The following RASSF8 variants were observed in gnomAD, a reference collection of about 807,000 sequenced individuals.
RASSF8 encodes Ras association domain family member 8.
RASSF8 carries 22 observed loss-of-function variants against 48.5 expected under a neutral mutation model. The ratio of observed to expected loss-of-function variants is 0.45; its 90% CI spans 0.32 to 0.65. RASSF8 has a LOEUF of 0.65. Ranked by LOEUF, RASSF8 falls within the 30% of genes least tolerant of loss-of-function variation. RASSF8 has a pLI of 0.03. For missense variants in RASSF8, 418 were observed against 489.2 expected (o/e 0.85, Z 1.37); for synonymous variants, 127 against 171.5 (o/e 0.74, Z 2.03).
At chr12:26,076,078 A>G (rs1382895798), downstream of RASSF8, among the ~76,000 whole-genome samples, 1 of 152,088 alleles carries the variant, frequency 6.6e-6, no homozygotes, top group Non-Finnish European at 1.5e-5. Context: ...TAGAAGAAAC[A>G]ATTTCCCATC....
chr12:26,032,947 TAATC>T (rs1943059559), intron 2 of RASSF8, among the ~76,000 whole-genome samples: 2 of 152,314 alleles, frequency 1.3e-5, no homozygotes, highest in South Asian at 4.1e-4. Context: ...AAATATTACA[TAATC>T]AGTTAAAAGA....
At chr12:26,046,037 G>A (rs1278297101) in intron 2 of RASSF8, among the ~76,000 whole-genome samples, 1 of 152,182 alleles carries the variant, frequency 6.6e-6, no homozygotes, top group African/African-American at 2.4e-5. Flanking sequence ...GATAACATCT[G>A]GATTCAGACT....
rs1221324138 is a variant in RASSF8 at position 26,069,123 on chromosome 12, G to A, written c.*305G>A. On this transcript the variant is annotated 3_prime_UTR_variant, in exon 6 of 6. Transcript: ENST00000689635. ...TTATATAGTGTGTATACATAAATAA[G>A]CCGTGACTTAAGTAAGAGTGAAGAG... 1.0e-6 allele frequency: 1 copy of A among 999,820 alleles called. No homozygotes were observed. The highest frequency in any genetic ancestry group is 1.7e-5 in the African/African-American group (1 of 57,720). The allele number at this position is 999,820 out of a possible 1,614,324, so 61.9% of individuals were successfully genotyped here.
In RASSF8 at chr12:26,042,768, G is replaced by T. The variant is rs534153074; in HGVS notation, c.-108-12468G>T. Among the ~76,000 whole-genome samples, 3 of 152,166 alleles carry T rather than the reference G, an allele frequency of 2.0e-5. No homozygotes were observed. In the East Asian group the frequency reaches 5.8e-4, roughly 29 times the overall value. On this transcript the variant is annotated intron_variant, in intron 2 of 5. Transcript: ENST00000689635. ...TGTTTTATGAAACCACAAATTGTAG[G>T]TTAGAACAATAGCATTTTTTCTTGA...
chr12:26,023,669 AAAAC>A (rs1167318405), intron 2 of RASSF8, among the ~76,000 whole-genome samples: 1 of 152,046 alleles, frequency 6.6e-6, no homozygotes, highest in Admixed American at 6.5e-5. Flanking sequence ...AAAAACAAAA[AAAAC>A]AAAAAACAAA....
intron 1 of RASSF8, among the ~76,000 whole-genome samples, chr12:25,981,464 C>T (rs760241300): frequency 2.0e-5 from 3 of 152,152 alleles, no homozygotes; most frequent in Non-Finnish European, 4.4e-5. Flanking sequence ...TGATGTTCCT[C>T]GTAGACAAAG....
chr12:26,023,085 G>A (rs1942825678), intron 2 of RASSF8, among the ~76,000 whole-genome samples: 1 of 152,112 alleles, frequency 6.6e-6, no homozygotes, highest in Non-Finnish European at 1.5e-5. Context: ...TAATGAGCCT[G>A]AAGATAGATA....
intron 2 of RASSF8, among the ~76,000 whole-genome samples, chr12:26,022,827 C>T (rs1159344576): frequency 2.0e-5 from 3 of 151,982 alleles, no homozygotes; most frequent in East Asian, 1.9e-4. Context: ...CTGCAACTTC[C>T]GCCTCCCGGG....
chr12:26,062,040 T>G (rs1350414697), intron 3 of RASSF8, among the ~76,000 whole-genome samples: 1 of 152,220 alleles, frequency 6.6e-6, no homozygotes, highest in Non-Finnish European at 1.5e-5. Flanking sequence ...AATATTTTGT[T>G]TAGTTCATAT....
chr12:25,995,756 A>G (rs956449857), intron 2 of RASSF8, among the ~76,000 whole-genome samples: 2 of 152,198 alleles, frequency 1.3e-5, no homozygotes, highest in Non-Finnish European at 2.9e-5. Flanking sequence ...TTGAGCATTT[A>G]AATGACTTAT....
intron 3 of RASSF8, among the ~76,000 whole-genome samples, chr12:26,064,187 C>G (rs1649607335): frequency 6.6e-6 from 1 of 152,156 alleles, no homozygotes; most frequent in Non-Finnish European, 1.5e-5. Context: ...CAGTCTTGCC[C>G]CAAATGAGAA....
At chr12:25,986,878 T>C (rs927776932) in intron 1 of RASSF8, among the ~76,000 whole-genome samples, 8 of 152,234 alleles carry the variant, frequency 5.3e-5, no homozygotes, top group African/African-American at 1.9e-4. Context: ...TGTGTATTGC[T>C]ACCATTTTTT....
intron 1 of RASSF8, among the ~76,000 whole-genome samples, chr12:25,964,769 G>T (rs1419761467): frequency 1.3e-5 from 2 of 152,194 alleles, no homozygotes; most frequent in Non-Finnish European, 2.9e-5. Flanking sequence ...AAATACCAGT[G>T]AGAAATAGGG....
At chr12:25,985,898 C>G (rs1050845722) in intron 1 of RASSF8, among the ~76,000 whole-genome samples, 3 of 152,200 alleles carry the variant, frequency 2.0e-5, no homozygotes, top group African/African-American at 7.2e-5. Context: ...GACATATGTT[C>G]TTTAACTACC....
downstream of RASSF8, among the ~76,000 whole-genome samples, chr12:26,077,340 C>T (rs1331196775): frequency 6.6e-6 from 1 of 152,156 alleles, no homozygotes; most frequent in East Asian, 1.9e-4. Flanking sequence ...CTTGCCCATG[C>T]CTAGGTCCTC....
At chr12:25,989,396 T>C (rs557980908) in intron 1 of RASSF8, among the ~76,000 whole-genome samples, 18 of 151,630 alleles carry the variant, frequency 1.2e-4, no homozygotes, top group African/African-American at 3.9e-4. Context: ...CCCCACCCCC[T>C]CTTTCTTTCT....
chr12:26,012,849 A>AT (rs994876925), intron 2 of RASSF8, among the ~76,000 whole-genome samples: 8 of 151,544 alleles, frequency 5.3e-5, no homozygotes, highest in Non-Finnish European at 1.2e-4. Flanking sequence ...TAATTTTTAA[A>AT]TTTTTTTGTA....
chr12:26,059,104 C>A (rs762433468), intron 3 of RASSF8, among the ~76,000 whole-genome samples: 1 of 152,182 alleles, frequency 6.6e-6, no homozygotes, highest in Non-Finnish European at 1.5e-5. Flanking sequence ...TTTGACAGAT[C>A]ATCTATCTCA....
At chr12:26,079,214 G>A (rs547316151) in exon 6 of RASSF8, 86 of 551,216 alleles carry the variant, frequency 1.6e-4, no homozygotes, top group African/African-American at 9.7e-4. Context: ...TTTGCAAACC[G>A]TTATCTGGTA....
Sources: allele counts gnomAD v4.1 joint callset (sites outside exome capture counted in the v4.1 genomes callset), GRCh38; gene constraint gnomAD v4.1.1; transcripts MANE v1.5; gene names NCBI Gene and HGNC (gene_info 2026-07-23, HGNC 2026-07-21).